The following PSKH2 variants were observed in gnomAD, a reference collection of about 807,000 sequenced individuals.
PSKH2 encodes the protein protein serine kinase H2.
PSKH2 carries 16 observed loss-of-function variants against 22.5 expected under a neutral mutation model. The ratio of observed to expected loss-of-function variants is 0.71; its 90% CI spans 0.48 to 1.08. PSKH2 has a LOEUF of 1.08. Ranked by LOEUF, PSKH2 falls within the 50% of genes least tolerant of loss-of-function variation. PSKH2 has a pLI of 0.00. For synonymous variants in PSKH2, 188 were observed against 184.8 expected (o/e 1.02, Z -0.14); for missense variants, 516 against 492.8 (o/e 1.05, Z -0.44).
intron 2 of PSKH2, among the ~76,000 whole-genome samples, chr8:86,063,100 A>AATGAGTTT (rs1224270185): frequency 6.6e-6 from 1 of 152,256 alleles, no homozygotes; most frequent in Non-Finnish European, 1.5e-5. Flanking sequence ...TATCAATTTG[A>AATGAGTTT]ATGAGTTTGT....
chr8:86,068,890 C>T (rs62509892), intron 1 of PSKH2, among the ~76,000 whole-genome samples: 11,996 of 152,080 alleles, frequency 0.079, 518 homozygotes, highest in Non-Finnish European at 0.1. Context: ...GCTGCTCCTG[C>T]TCTCTTTTTT....
Position 86,064,625 on chromosome 8 carries a change from G to A in PSKH2, c.192C>T (p.Asp64=). The change falls in exon 2 of 3, where the codon GAC becomes GAT. Residue 64 remains aspartate (D), a synonymous_variant. Coordinates refer to ENST00000276616, the MANE Select transcript of PSKH2 (RefSeq NM_033126.3). The part of the protein sequence containing the change: ...KFDPRVLARY[D]IKALIGTGSF... ...TGCCTGTCCCAATAAGAGCTTTGATGTCATATCTGTTGGGAAGAAAAACCA... is the reference window on the plus strand; with the variant it reads ...TGCCTGTCCCAATAAGAGCTTTGATATCATATCTGTTGGGAAGAAAAACCA... The A allele has an allele frequency of 6.2e-7, 1 of 1,609,032 alleles. No individual in the cohort carries two copies. Among genetic ancestry groups the A allele is most frequent in the South Asian group, 1.1e-5 (1 of 90,926 alleles).
chr8:86,060,469 T>C (rs1378649080), intron 2 of PSKH2, among the ~76,000 whole-genome samples: 1 of 152,208 alleles, frequency 6.6e-6, no homozygotes, highest in Admixed American at 6.5e-5. Flanking sequence ...TATATGGTAA[T>C]ATGATGACAA....
At chr8:86,062,364 G>T (rs1468503719) in intron 2 of PSKH2, among the ~76,000 whole-genome samples, 1 of 152,146 alleles carries the variant, frequency 6.6e-6, no homozygotes, top group Non-Finnish European at 1.5e-5. Flanking sequence ...GGATTACTTA[G>T]ATTCTTACAA....
chr8:86,065,646 A>C (rs1252763599), intron 1 of PSKH2, among the ~76,000 whole-genome samples: 1 of 152,206 alleles, frequency 6.6e-6, no homozygotes, highest in Non-Finnish European at 1.5e-5. Flanking sequence ...TAGGGATCTT[A>C]AGCTTTAATT....
In PSKH2 at chr8:86,048,500, A is replaced by C. The variant is rs372664824; in HGVS notation, c.1120T>G (p.Leu374Val). 3 of 1,613,944 alleles carry C rather than the reference A, an allele frequency of 1.9e-6. No individual in the cohort carries two copies. The African/African-American group carries it at 4.0e-5, about 22-fold the overall frequency. Residue 374 changes from leucine (L) to valine (V), a missense_variant, in exon 3 of 3, where the codon TTA becomes GTA. Leu to Val is a conservative substitution (Grantham distance 32). Transcript: ENST00000276616. Reference protein sequence around the residue: ...KSRHMWSKRNLRIVESPLSAL... With the variant: ...KSRHMWSKRNVRIVESPLSAL... The stretch of plus-strand genomic sequence containing the variant: ...GACAGTGGCGATTCTACTATCCTTA[A>C]GTTTCTCTTGCTCCACATATGCCTG...
intron 2 of PSKH2, among the ~76,000 whole-genome samples, chr8:86,061,534 C>G (rs1159927142): frequency 6.6e-6 from 1 of 151,998 alleles, no homozygotes; most frequent in South Asian, 2.1e-4. Flanking sequence ...TCAAGTTTAG[C>G]CTTGAAGAGG....
At chr8:86,065,684 A>G (rs1330289068) in intron 1 of PSKH2, among the ~76,000 whole-genome samples, 1 of 152,188 alleles carries the variant, frequency 6.6e-6, no homozygotes, top group Non-Finnish European at 1.5e-5. Flanking sequence ...TTAAAATTTA[A>G]GAATCTGGCC....
intron 2 of PSKH2, among the ~76,000 whole-genome samples, chr8:86,052,348 C>A (rs1370642347): frequency 6.6e-6 from 1 of 152,166 alleles, no homozygotes; most frequent in African/African-American, 2.4e-5. Context: ...GTAGACATGA[C>A]CCCGAGTCCC....
intron 2 of PSKH2, among the ~76,000 whole-genome samples, chr8:86,052,327 G>A (rs1379196245): frequency 1.3e-5 from 2 of 151,970 alleles, no homozygotes; most frequent in East Asian, 1.9e-4. Flanking sequence ...GGCGTTTCTC[G>A]ACAGTCTCAG....
intron 1 of PSKH2, among the ~76,000 whole-genome samples, chr8:86,067,487 T>G (rs1384597550): frequency 6.6e-6 from 1 of 151,424 alleles, no homozygotes; most frequent in Non-Finnish European, 1.5e-5. Context: ...AAGAATGCCT[T>G]TATAAGGTCT....
chr8:86,065,936 C>T (rs1289744885), intron 1 of PSKH2, among the ~76,000 whole-genome samples: 2 of 152,092 alleles, frequency 1.3e-5, no homozygotes, highest in African/African-American at 2.4e-5. Context: ...GACCACTGCA[C>T]TCCAGCTTGG....
chr8:86,057,154 GC>G (rs1817709827), intron 2 of PSKH2, among the ~76,000 whole-genome samples: 2 of 151,848 alleles, frequency 1.3e-5, no homozygotes, highest in Middle Eastern at 6.8e-3. Flanking sequence ...GAACTCTTGG[GC>G]TCGGGTGATC....
intron 2 of PSKH2, among the ~76,000 whole-genome samples, chr8:86,054,519 A>C (rs926104519): frequency 1.2e-4 from 19 of 152,230 alleles, no homozygotes. Context: ...CTCAGGAAGC[A>C]GAAGATTCCA....
chr8:86,064,977 C>T (rs1006174852), intron 1 of PSKH2, among the ~76,000 whole-genome samples: 1 of 152,164 alleles, frequency 6.6e-6, no homozygotes, highest in African/African-American at 2.4e-5. Flanking sequence ...GAAATTCAGA[C>T]TTAAAAAGAA....
chr8:86,068,844 C>G (rs1353204684), intron 1 of PSKH2, among the ~76,000 whole-genome samples: 2 of 152,110 alleles, frequency 1.3e-5, no homozygotes, highest in African/African-American at 2.4e-5. Context: ...CCCCACCCCC[C>G]ACCTCCGAAG....
chr8:86,057,214 A>G (rs1245442332), intron 2 of PSKH2, among the ~76,000 whole-genome samples: 4 of 151,592 alleles, frequency 2.6e-5, no homozygotes, highest in African/African-American at 9.7e-5. Context: ...ATAAGCCACC[A>G]TGCCTGGCCC....
chr8:86,048,867 G>T, intron 2 of PSKH2, 100 bp from the exon 3 acceptor site: 1 of 1,107,054 alleles, frequency 9.0e-7, no homozygotes, highest in Non-Finnish European at 1.2e-6. Context: ...AATGCCAATC[G>T]AATCCAAAAA....
chr8:86,069,517 G>T lies in PSKH2; in HGVS notation c.106C>A (p.Pro36Thr), dbSNP rs1312925086. The T allele has an allele frequency of 6.2e-7, 1 of 1,608,744 alleles. No individual in the cohort carries two copies. Among genetic ancestry groups the T allele is most frequent in the African/African-American group, 1.3e-5 (1 of 74,932 alleles). The part of the protein sequence containing the change: ...QAGVGGAGPG[P>T]EAAAQAAQRI... ...TGCGCCGCCTGGGCCGCCGCCTCGG[G>T]CCCAGGCCCCGCGCCTCCGACGCCG... Residue 36 changes from proline (P) to threonine (T), a missense_variant, in exon 1 of 3, where the codon CCC becomes ACC. Transcript: ENST00000276616.
Sources: allele counts gnomAD v4.1 joint callset (sites outside exome capture counted in the v4.1 genomes callset), GRCh38; gene constraint gnomAD v4.1.1; transcripts MANE v1.5; gene names NCBI Gene and HGNC (gene_info 2026-07-23, HGNC 2026-07-21).